GLT1D1: variants seen among roughly 807,000 people sequenced by gnomAD.
GLT1D1 encodes the protein glycosyltransferase 1 domain containing 1, also known as glycosyltransferase 1 domain-containing protein 1.
GLT1D1 carries 21 observed loss-of-function variants against 28.7 expected under a neutral mutation model. That is an observed-to-expected ratio of 0.73 (90% CI 0.52 to 1.05). GLT1D1 has a LOEUF of 1.05. Ranked by LOEUF, GLT1D1 falls within the 50% of genes least tolerant of loss-of-function variation. The probability of loss-of-function intolerance (pLI) is 0.00; values close to 1 mark genes in which losing one functional copy is unlikely to be tolerated. For missense variants in GLT1D1, 343 were observed against 330.6 expected, an observed-to-expected ratio of 1.04 and a Z score of -0.29; for synonymous variants, 147 against 124.8, an observed-to-expected ratio of 1.18 and a Z score of -1.19.
intron 1 of GLT1D1, among the ~76,000 whole-genome samples, chr12:128,869,332 G>A (rs1196607462): frequency 6.6e-6 from 1 of 151,972 alleles, no homozygotes; most frequent in African/African-American, 2.4e-5. Flanking sequence ...ACCACGCCTG[G>A]CTACTTTTTG....
chr12:128,863,102 A>T (rs556360312), intron 1 of GLT1D1, among the ~76,000 whole-genome samples: 1 of 152,302 alleles, frequency 6.6e-6, no homozygotes, highest in East Asian at 1.9e-4. Context: ...TTTACATGAC[A>T]TGGGAGCCTT....
rs113595570 is a variant in GLT1D1 at position 128,861,167 on chromosome 12, G to A, written c.68+7518G>A. Among the ~76,000 whole-genome samples, 804 of 152,290 alleles carry A rather than the reference G, an allele frequency of 5.3e-3. 3 individuals are homozygous for A. Among genetic ancestry groups the A allele is most frequent in the African/African-American group, 0.018 (755 of 41,576 alleles). The stretch of plus-strand genomic sequence containing the variant: ...CAGGGCGACAAACTGCTGCCTGCCC[G>A]GGGTGAAACGCAGCCTCCCTGCCAG... On this transcript the variant is annotated intron_variant, in intron 1 of 7. Transcript: ENST00000281703.
At chr12:128,942,805 C>T (rs1220249508) in intron 4 of GLT1D1, among the ~76,000 whole-genome samples, 9 of 145,360 alleles carry the variant, frequency 6.2e-5, no homozygotes, top group Admixed American at 3.6e-4. Flanking sequence ...GGCTGGAGTG[C>T]GGTGGCACGA....
intron 6 of GLT1D1, among the ~76,000 whole-genome samples, chr12:128,955,299 T>C (rs1877155666): frequency 6.6e-6 from 1 of 151,372 alleles, no homozygotes; most frequent in Non-Finnish European, 1.5e-5. Context: ...CATCTCTCTG[T>C]GTACACATAC....
intron 7 of GLT1D1, among the ~76,000 whole-genome samples, chr12:128,981,233 G>C (rs1880292001): frequency 6.6e-6 from 1 of 152,124 alleles, no homozygotes; most frequent in African/African-American, 2.4e-5. Context: ...TCCATGCGGA[G>C]AGAAAAGAAG....
intron 3 of GLT1D1, among the ~76,000 whole-genome samples, chr12:128,891,008 C>A (rs1460689651): frequency 6.6e-6 from 1 of 150,874 alleles, no homozygotes; most frequent in East Asian, 1.9e-4. Context: ...CAAAAACAAA[C>A]AACAGCAACA....
chr12:128,973,560 T>A (rs1239906118), intron 7 of GLT1D1, among the ~76,000 whole-genome samples: 1 of 151,724 alleles, frequency 6.6e-6, no homozygotes, highest in African/African-American at 2.4e-5. Flanking sequence ...CGCACTTTAA[T>A]GGGCTGCTCT....
chr12:128,934,402 C>T (rs1249375637), intron 4 of GLT1D1, among the ~76,000 whole-genome samples: 1 of 152,068 alleles, frequency 6.6e-6, no homozygotes, highest in East Asian at 1.9e-4. Flanking sequence ...CCATGTTGGC[C>T]AGGCTGGTCT....
intron 4 of GLT1D1, among the ~76,000 whole-genome samples, chr12:128,925,233 T>G (rs944176557): frequency 5.9e-5 from 9 of 152,170 alleles, no homozygotes; most frequent in African/African-American, 2.2e-4. Flanking sequence ...AGGTTTATTA[T>G]GTAGGTTAAC....
intron 2 of GLT1D1, among the ~76,000 whole-genome samples, chr12:128,886,994 A>T (rs904271289): frequency 6.6e-6 from 1 of 151,616 alleles, no homozygotes; most frequent in African/African-American, 2.4e-5. Flanking sequence ...AGTGAAAAGT[A>T]AGTCTCACTC....
chr12:128,875,870 C>T, intron 1 of GLT1D1, 44 bp from the exon 2 acceptor site: 1 of 1,547,408 alleles, frequency 6.5e-7, no homozygotes, highest in Non-Finnish European at 8.8e-7. Context: ...TACATATTAA[C>T]ATTTTCCCCT....
At chr12:128,899,610 C>A (rs908657403) in intron 4 of GLT1D1, among the ~76,000 whole-genome samples, 1 of 144,836 alleles carries the variant, frequency 6.9e-6, no homozygotes, top group African/African-American at 2.6e-5. Flanking sequence ...AGTGCAATGG[C>A]GTGATCTCAG....
intron 7 of GLT1D1, among the ~76,000 whole-genome samples, chr12:128,958,180 A>G (rs548138735): frequency 4.7e-4 from 71 of 152,270 alleles, no homozygotes; most frequent in African/African-American, 1.7e-3. Context: ...GAGCATGGAA[A>G]GGTGTTGCCC....
At position 128,968,036 on chromosome 12, in the gene GLT1D1, G is replaced by A. The variant is rs71464425; in HGVS notation, c.639+10393G>A. On this transcript the variant is annotated intron_variant, in intron 7 of 7. Coordinates refer to ENST00000281703, the MANE Select transcript of GLT1D1 (RefSeq NM_144669.3). ...TTTTGAGACAGAGTCTCGCTCTGTCGCCCAGGCTGGAGTGCAGTGGCGCAA... is the reference window on the plus strand; with the variant it reads ...TTTTGAGACAGAGTCTCGCTCTGTCACCCAGGCTGGAGTGCAGTGGCGCAA... 2.0e-3 allele frequency among the ~76,000 whole-genome samples: 302 copies of A among 152,072 alleles called. 12 individuals are homozygous for A. In the East Asian group the frequency reaches 0.04, roughly 20 times the overall value.
At chr12:128,942,428 T>G (rs1288265953) in intron 4 of GLT1D1, among the ~76,000 whole-genome samples, 1 of 152,178 alleles carries the variant, frequency 6.6e-6, no homozygotes, top group East Asian at 1.9e-4. Flanking sequence ...AATGAATTTT[T>G]AAAATATCAG....
intron 4 of GLT1D1, among the ~76,000 whole-genome samples, chr12:128,919,680 C>T (rs768935739): frequency 2.7e-4 from 41 of 152,156 alleles, no homozygotes; most frequent in Non-Finnish European, 7.3e-5. Context: ...TTGACAATAG[C>T]TATTCTGATT....
At chr12:128,946,022 G>C (rs1565903715) in intron 5 of GLT1D1, among the ~76,000 whole-genome samples, 1 of 152,172 alleles carries the variant, frequency 6.6e-6, no homozygotes, top group Non-Finnish European at 1.5e-5. Context: ...ATTCCAGCCA[G>C]ACTCATTGGC....
chr12:128,900,533 GA>G (rs1870132249), intron 4 of GLT1D1, among the ~76,000 whole-genome samples: 1 of 151,936 alleles, frequency 6.6e-6, no homozygotes, highest in African/African-American at 2.4e-5. Context: ...TTCCCAGGCA[GA>G]GCATGGAGGT....
chr12:128,942,735 G>GTTGTT (rs1875440178), intron 4 of GLT1D1, among the ~76,000 whole-genome samples: 9 of 89,578 alleles, frequency 1.0e-4, no homozygotes, highest in African/African-American at 3.0e-4. Flanking sequence ...AATTTTCTTT[G>GTTGTT]TTTGTTTGTT....
Sources: allele counts gnomAD v4.1 joint callset (sites outside exome capture counted in the v4.1 genomes callset), GRCh38; gene constraint gnomAD v4.1.1; transcripts MANE v1.5; gene names NCBI Gene and HGNC (gene_info 2026-07-23, HGNC 2026-07-21).